The following RGSL1 variants were observed in gnomAD, a reference collection of about 807,000 sequenced individuals.
RGSL1 encodes regulator of G protein signaling protein-like.
RGSL1 carries 97 observed loss-of-function variants against 124.7 expected under a neutral mutation model. The ratio of observed to expected loss-of-function variants is 0.78; its 90% CI spans 0.66 to 0.92. The LOEUF (loss-of-function observed/expected upper bound fraction) is 0.92, where lower values mean the gene tolerates loss of function less well. Ranked by LOEUF, RGSL1 falls within the 40% of genes least tolerant of loss-of-function variation. RGSL1 has a pLI of 0.00. For missense variants in RGSL1, 1,233 were observed against 1,288.4 expected (o/e 0.96, Z 0.66); for synonymous variants, 424 against 438.1 (o/e 0.97, Z 0.40).
At chr1:182,530,762 T>G in intron 12 of RGSL1, 28 bp from the exon 13 acceptor site, 1 of 1,500,886 alleles carries the variant, frequency 6.7e-7, no homozygotes, top group Non-Finnish European at 8.9e-7. Flanking sequence ...TTTTGCCCTG[T>G]TTGATATTAC....
chr1:182,532,532 T>C (rs1659247078), intron 13 of RGSL1, 130 bp from the exon 14 acceptor site: 1 of 805,520 alleles, frequency 1.2e-6, no homozygotes, highest in Non-Finnish European at 1.9e-6. Flanking sequence ...AAATTGGAGC[T>C]AAAAATTATT....
At chr1:182,522,143 C>T in intron 10 of RGSL1, 34 bp downstream of exon 10, 1 of 1,417,234 alleles carries the variant, frequency 7.1e-7, no homozygotes, top group Non-Finnish European at 9.7e-7. Flanking sequence ...GCAACATCTT[C>T]AGGTACATGC....
intron 20 of RGSL1, chr1:182,555,630 A>G (rs1156842815): frequency 9.7e-6 from 2 of 205,514 alleles, no homozygotes; most frequent in Admixed American, 5.3e-5. Context: ...AGTGCCAAAG[A>G]GTTATTTGAA....
intron 2 of RGSL1, among the ~76,000 whole-genome samples, chr1:182,455,197 A>G (rs1444811861): frequency 6.6e-6 from 1 of 152,226 alleles, no homozygotes; most frequent in Non-Finnish European, 1.5e-5. Context: ...TGGAAAAGTC[A>G]GGAAAAGCTG....
At chr1:182,448,204 TTGTTTG>T (rs1651589513), upstream of RGSL1, 1 of 78,396 alleles carries the variant, frequency 1.3e-5, no homozygotes, top group Non-Finnish European at 2.8e-5. Context: ...ATTTATTTGT[TTGTTTG>T]TTTGTTTGTT....
intron 15 of RGSL1, among the ~76,000 whole-genome samples, chr1:182,543,334 A>G (rs1660008929): frequency 6.6e-6 from 1 of 152,066 alleles, no homozygotes; most frequent in Admixed American, 6.6e-5. Flanking sequence ...TGATTCTGTT[A>G]ATGTGATATA....
intron 15 of RGSL1, among the ~76,000 whole-genome samples, chr1:182,542,319 G>A (rs891105286): frequency 2.6e-5 from 4 of 152,082 alleles, no homozygotes; most frequent in South Asian, 2.1e-4. Context: ...TTGAAGAGAC[G>A]GTCCTTTCCC....
chr1:182,473,367 G>C (rs1654004833), intron 5 of RGSL1, among the ~76,000 whole-genome samples: 1 of 152,090 alleles, frequency 6.6e-6, no homozygotes, highest in African/African-American at 2.4e-5. Context: ...TTTCTATGGA[G>C]AATAAGATAA....
intron 3 of RGSL1, 49 bp from the exon 4 acceptor site, chr1:182,459,955 C>A: frequency 6.5e-7 from 1 of 1,529,876 alleles, no homozygotes; most frequent in Non-Finnish European, 8.8e-7. Flanking sequence ...ATTTTTTTAG[C>A]AGTTCGGTTT....
At chr1:182,475,401 G>A (rs1022044187) in intron 6 of RGSL1, among the ~76,000 whole-genome samples, 4 of 152,186 alleles carry the variant, frequency 2.6e-5, no homozygotes, top group African/African-American at 4.8e-5. Flanking sequence ...GGTAACAGAT[G>A]AGAGACAAAT....
At position 182,473,633 on chromosome 1, in the gene RGSL1, C is replaced by A; in HGVS notation, c.522C>A (p.Ile174=). Residue 174 remains isoleucine (I), a synonymous_variant, in exon 6 of 22, where the codon ATC becomes ATA. Coordinates refer to ENST00000294854, the MANE Select transcript of RGSL1 (RefSeq NM_001137669.2). ...HPNQSTTRRE[I]LSHMQKVALF... is the part of the protein sequence containing the mutation. ...ACCAATCAACCACTAGGAGGGAGAT[C>A]CTGAGCCACATGCAGAAAGTGGCTC... is the stretch of plus-strand genomic sequence containing the variant. 1 of 1,551,480 alleles carries A rather than the reference C, an allele frequency of 6.4e-7. No individual in the cohort carries two copies. The highest frequency in any genetic ancestry group is 8.7e-7 in the Non-Finnish European group (1 of 1,146,836).
chr1:182,509,244 C>A (rs1404020340), intron 9 of RGSL1, among the ~76,000 whole-genome samples: 1 of 58,258 alleles, frequency 1.7e-5, no homozygotes, highest in Non-Finnish European at 4.2e-5. Context: ...AGGGGCTCCT[C>A]ACTTCCCAGT....
At chr1:182,449,617 C>T (rs1213161666), upstream of RGSL1, among the ~76,000 whole-genome samples, 2 of 152,160 alleles carry the variant, frequency 1.3e-5, no homozygotes, top group Non-Finnish European at 2.9e-5. Flanking sequence ...GTTCAAACCT[C>T]TTGGAAGCTG....
intron 10 of RGSL1, among the ~76,000 whole-genome samples, chr1:182,524,007 C>T (rs945632260): frequency 9.9e-5 from 15 of 151,802 alleles, no homozygotes; most frequent in Admixed American, 2.6e-4. Flanking sequence ...TACTCAAAGG[C>T]GAAGATACAA....
intron 14 of RGSL1, among the ~76,000 whole-genome samples, chr1:182,539,387 A>G (rs1282170308): frequency 6.6e-6 from 1 of 152,166 alleles, no homozygotes; most frequent in Non-Finnish European, 1.5e-5. Context: ...TGTCTGAGAC[A>G]TGACAAGTGC....
chr1:182,486,195 C>T (rs267872), intron 6 of RGSL1, among the ~76,000 whole-genome samples: 27,653 of 151,810 alleles, frequency 0.18, 2,933 homozygotes, highest in East Asian at 0.37. Flanking sequence ...ATTTATTATT[C>T]ATGACTATTA....
chr1:182,531,039 A>ATCTG, intron 13 of RGSL1, 129 bp downstream of exon 13: 1 of 1,100,866 alleles, frequency 9.1e-7, no homozygotes, highest in Non-Finnish European at 1.3e-6. Context: ...CTAGGAATTT[A>ATCTG]AGCAAGTCCC....
intron 4 of RGSL1, among the ~76,000 whole-genome samples, chr1:182,471,538 A>G (rs1421923786): frequency 6.6e-6 from 1 of 152,172 alleles, no homozygotes; most frequent in African/African-American, 2.4e-5. Context: ...ACTGAGGTCC[A>G]TAGTGTAGGT....
At chr1:182,454,162 A>C in intron 2 of RGSL1, 122 bp downstream of exon 2, 1 of 643,194 alleles carries the variant, frequency 1.6e-6, no homozygotes, top group South Asian at 1.9e-5. Context: ...TGTCTTCTTA[A>C]ATAAAAAAAC....
Sources: allele counts gnomAD v4.1 joint callset (sites outside exome capture counted in the v4.1 genomes callset), GRCh38; gene constraint gnomAD v4.1.1; transcripts MANE v1.5; gene names NCBI Gene and HGNC (gene_info 2026-07-23, HGNC 2026-07-21).